Variants in BRPF3 observed in about 807,000 individuals in gnomAD.
BRPF3 encodes the protein bromodomain and PHD finger-containing protein 3.
A neutral mutation model predicts 102.0 loss-of-function variants in BRPF3; 18 were observed. The ratio of observed to expected loss-of-function variants is 0.18; its 90% CI spans 0.12 to 0.26. The LOEUF (loss-of-function observed/expected upper bound fraction) is 0.26. BRPF3 is among the 10% of genes least tolerant of loss of function. The probability of loss-of-function intolerance (pLI) is 1.00; values close to 1 mark genes in which losing one functional copy is unlikely to be tolerated. For missense variants in BRPF3, 1,147 were observed against 1,567.8 expected (o/e 0.73, Z 4.53); for synonymous variants, 570 against 614.2 (o/e 0.93, Z 1.06).
At position 36,207,238 on chromosome 6, in the gene BRPF3, C is replaced by A. The variant is rs562900391; in HGVS notation, c.1606-75C>A. 28 of 1,557,048 alleles carry A rather than the reference C, an allele frequency of 1.8e-5. 1 individual carries two copies. The South Asian group carries it at 3.2e-4, about 18-fold the overall frequency. ...GGGACAAGACTTTTACCTGCTGCAG[C>A]CCCGTGAGGCTTGAACAGGGAGAGG... On this transcript the variant is annotated intron_variant, in intron 3 of 12. Coordinates refer to ENST00000357641, the MANE Select transcript of BRPF3 (RefSeq NM_015695.3).
intron 8 of BRPF3, among the ~76,000 whole-genome samples, chr6:36,215,222 T>G (rs567442889): frequency 4.6e-5 from 7 of 152,112 alleles, no homozygotes; most frequent in Non-Finnish European, 8.8e-5. Context: ...GTTCAAGCAA[T>G]TCTCCTGCCT....
At chr6:36,228,464 A>G (rs1768820204) in intron 11 of BRPF3, among the ~76,000 whole-genome samples, 1 of 152,138 alleles carries the variant, frequency 6.6e-6, no homozygotes, top group African/African-American at 2.4e-5. Context: ...CTCCAAGCTC[A>G]TTCTCTAGCT....
chr6:36,209,229 T>C (rs1040361019), intron 4 of BRPF3, among the ~76,000 whole-genome samples: 1 of 152,256 alleles, frequency 6.6e-6, no homozygotes, highest in African/African-American at 2.4e-5. Context: ...TAATAATTTC[T>C]GTTTCAGGGT....
Position 36,217,922 on chromosome 6 carries a change from A to G in BRPF3, c.2995A>G (p.Thr999Ala). 2 of 1,613,170 alleles carry G rather than the reference A, an allele frequency of 1.2e-6. No individual in the cohort carries two copies. Among genetic ancestry groups the G allele is most frequent in the East Asian group, 2.2e-5 (1 of 44,784 alleles). The change falls in exon 9 of 13, where the codon ACC becomes GCC. Residue 999 changes from threonine (T) to alanine (A), a missense_variant. Transcript: ENST00000357641. ...ACTGTGTGTGTCCTTGGCAGGCATG[A>G]CCAACGGCTTTGGAAAACACACCGA... ...SPQQEEETGM[T>A]NGFGKHTESG...
At chr6:36,197,407 C>T (rs1453591177) in intron 1 of BRPF3, 1 of 152,292 alleles carries the variant, frequency 6.6e-6, no homozygotes, top group Non-Finnish European at 1.5e-5. Context: ...GACTCCACGT[C>T]AGGCTGTCTC....
intron 9 of BRPF3, 77 bp from the exon 10 acceptor site, chr6:36,222,091 G>T (rs934908071): frequency 2.9e-6 from 4 of 1,393,828 alleles, no homozygotes; most frequent in Non-Finnish European, 4.0e-6. Flanking sequence ...TCAGAGAGGG[G>T]AGAGGGGAGA....
At chr6:36,197,692 A>T (rs1234177737) in intron 1 of BRPF3, 1 of 151,376 alleles carries the variant, frequency 6.6e-6, no homozygotes, top group Non-Finnish European at 1.5e-5. Context: ...GATATTTTGG[A>T]GGTGTGTATG....
chr6:36,206,137 C>T (rs1326694511), intron 3 of BRPF3, among the ~76,000 whole-genome samples: 1 of 152,198 alleles, frequency 6.6e-6, no homozygotes, highest in South Asian at 2.1e-4. Context: ...TTAATCTCAG[C>T]AATAGCTTTC....
rs1365854722 is a variant in BRPF3 at position 36,232,364 on chromosome 6, CTG to C, written c.*1758_*1759del. 1.3e-5 allele frequency: 2 copies of C among 152,308 alleles called. No homozygotes were observed. Among genetic ancestry groups the C allele is most frequent in the African/African-American group, 4.8e-5 (2 of 41,450 alleles). 9.4% of individuals were successfully genotyped at this position (152,308 alleles called of 1,614,324 possible). A position where few individuals can be genotyped will look rare whatever the true frequency, so the allele number is the denominator to read the frequency against. On this transcript the variant is annotated 3_prime_UTR_variant, in exon 13 of 13. Coordinates refer to ENST00000357641, the MANE Select transcript of BRPF3 (RefSeq NM_015695.3). ...CCAGGTAGTTGGTCAGCTGTGGACT[CTG>C]TGACCTTTGTCTAAACCTGTGTTGT... is the stretch of plus-strand genomic sequence containing the variant.
chr6:36,212,256 G>A (rs1230134115), intron 7 of BRPF3, among the ~76,000 whole-genome samples: 1 of 152,166 alleles, frequency 6.6e-6, no homozygotes, highest in Non-Finnish European at 1.5e-5. Context: ...TCCTTCACTG[G>A]GGATGGAATT....
At chr6:36,222,795 G>A (rs1768597215) in intron 10 of BRPF3, among the ~76,000 whole-genome samples, 1 of 152,190 alleles carries the variant, frequency 6.6e-6, no homozygotes, top group Admixed American at 6.5e-5. Context: ...AAAGATGGAC[G>A]TTTAGATTGT....
intron 8 of BRPF3, among the ~76,000 whole-genome samples, chr6:36,214,760 T>G (rs1001951803): frequency 2.0e-5 from 3 of 152,152 alleles, no homozygotes; most frequent in African/African-American, 7.2e-5. Flanking sequence ...TGCTCTCTTA[T>G]GGGGGAATAT....
Position 36,204,094 on chromosome 6 carries a change from A to AT in BRPF3, c.1449-554dup, listed in dbSNP as rs201874571. On this transcript the variant is annotated intron_variant, in intron 2 of 12. Transcript: ENST00000357641. Reference sequence around the variant, plus strand: ...CCATCCTCTTACATCTTTAGATCCAATTTTTTTTTTCATTTGGTTCAAAAT... The same window carrying AT: ...CCATCCTCTTACATCTTTAGATCCAATTTTTTTTTTTCATTTGGTTCAAAAT... 1.6e-3 allele frequency among the ~76,000 whole-genome samples: 241 copies of AT among 149,766 alleles called. 2 individuals carry two copies. The East Asian group carries it at 0.041, about 25-fold the overall frequency.
At chr6:36,225,492 T>G in intron 11 of BRPF3, 128 bp downstream of exon 11, 1 of 791,968 alleles carries the variant, frequency 1.3e-6, no homozygotes, top group South Asian at 2.0e-5. Context: ...AGGGGGGTTT[T>G]GCCCCAGCCT....
intron 1 of BRPF3, chr6:36,197,323 G>T (rs1767533930): frequency 2.0e-5 from 3 of 152,272 alleles, no homozygotes; most frequent in Admixed American, 2.0e-4. Flanking sequence ...TGACGGGCAG[G>T]TGACGCAGCC....
intron 11 of BRPF3, among the ~76,000 whole-genome samples, chr6:36,228,456 C>T (rs544061751): frequency 2.6e-4 from 39 of 152,166 alleles, no homozygotes; most frequent in Non-Finnish European, 4.7e-4. Flanking sequence ...CCATCAACCT[C>T]CAAGCTCATT....
rs769122940 is a variant in BRPF3, at chr6:36,200,921, G to T, written c.599G>T (p.Arg200Leu). 1.2e-6 allele frequency: 2 copies of T among 1,614,182 alleles called. No individual in the cohort carries two copies. The highest frequency in any genetic ancestry group is 1.7e-6 in the Non-Finnish European group (2 of 1,180,042). Reference protein sequence around the residue: ...RLEKESYLESRSSGAQQSLID... With the variant: ...RLEKESYLESLSSGAQQSLID... ...GAGAAAGAGTCATACTTGGAGAGTC[G>T]CAGCAGTGGGGCCCAACAGTCACTC... The change falls in exon 2 of 13, where the codon CGC becomes CTC. Residue 200 changes from arginine to leucine, a missense_variant. Arg to Leu is a moderately radical substitution (Grantham distance 102). Around this residue, in one of 11 missense-constraint regions of BRPF3, gnomAD observed 221 missense variants for 337.1 expected, o/e 0.66. Coordinates refer to ENST00000357641, the MANE Select transcript of BRPF3 (RefSeq NM_015695.3). The surrounding 1 kb of genome is among the most constrained non-coding windows in gnomAD (Gnocchi z 5.3).
chr6:36,199,156 C>T (rs1767606938), intron 1 of BRPF3, among the ~76,000 whole-genome samples: 1 of 152,200 alleles, frequency 6.6e-6, no homozygotes, highest in Non-Finnish European at 1.5e-5. Flanking sequence ...GGCCATACAG[C>T]AAGAGGTGAG....
intron 4 of BRPF3, 77 bp downstream of exon 4, chr6:36,207,521 T>C: frequency 6.5e-7 from 1 of 1,535,770 alleles, no homozygotes; most frequent in Non-Finnish European, 8.8e-7. Flanking sequence ...TTGGGAAATC[T>C]GGGAGCCCCT....
Sources: gnomAD v4.1 joint callset for allele counts (sites outside exome capture counted in the v4.1 genomes callset) on GRCh38, gnomAD v4.1.1 for gene constraint, gnomAD v4.1.1 regional missense constraint, Gnocchi (gnomAD v3.1) non-coding constraint, MANE v1.5 for transcripts, NCBI Gene and HGNC (gene_info 2026-07-23, HGNC 2026-07-21) for gene names.